The following BLM variants were observed in gnomAD, a reference collection of about 807,000 sequenced individuals.
BLM encodes BLM RecQ like helicase.
BLM carries 95 observed loss-of-function variants against 135.3 expected under a neutral mutation model. The observed-to-expected ratio is 0.70, with a 90% confidence interval of 0.59 to 0.83. The LOEUF is 0.83. Among genes scored for constraint, BLM ranks in the 40% least tolerant of loss-of-function variants. BLM has a pLI of 0.00. For missense variants in BLM, 1,518 were observed against 1,663.9 expected, an observed-to-expected ratio of 0.91 and a Z score of 1.53; for synonymous variants, 520 against 589.2, an observed-to-expected ratio of 0.88 and a Z score of 1.70.
intron 19 of BLM, among the ~76,000 whole-genome samples, chr15:90,805,549 G>A (rs1897268762): frequency 2.0e-5 from 3 of 151,640 alleles, no homozygotes; most frequent in Admixed American, 2.0e-4. Context: ...CAGCACTTTG[G>A]GAGGCCAAGG....
intron 21 of BLM, among the ~76,000 whole-genome samples, chr15:90,812,452 G>C (rs184337129): frequency 6.6e-6 from 1 of 152,294 alleles, no homozygotes; most frequent in Non-Finnish European, 1.5e-5. Context: ...TGATGATCTT[G>C]GCAGTTTCCT....
intron 2 of BLM, 144 bp from the exon 3 acceptor site, chr15:90,749,223 T>G (rs1685377912): frequency 1.6e-6 from 1 of 636,746 alleles, no homozygotes; most frequent in African/African-American, 1.8e-5. Context: ...CCTGATAAAT[T>G]TAAAATCGAG....
At chr15:90,785,393 A>G (rs539149730) in intron 14 of BLM, among the ~76,000 whole-genome samples, 57 of 152,210 alleles carry the variant, frequency 3.7e-4, no homozygotes, top group African/African-American at 1.3e-3. Flanking sequence ...GATCACCATA[A>G]AAAGAAACCT....
intron 12 of BLM, among the ~76,000 whole-genome samples, chr15:90,770,875 A>G (rs1896294154): frequency 1.3e-5 from 2 of 152,240 alleles, no homozygotes; most frequent in Admixed American, 1.3e-4. Context: ...ATAGCTACAA[A>G]AGCTTTTGCA....
chr15:90,737,073 G>T (rs530063969), intron 1 of BLM, among the ~76,000 whole-genome samples: 7 of 152,180 alleles, frequency 4.6e-5, no homozygotes, highest in African/African-American at 1.7e-4. Flanking sequence ...CACCCTGAAG[G>T]TGAGGTGGGA....
intron 17 of BLM, among the ~76,000 whole-genome samples, chr15:90,803,120 A>T (rs1203623708): frequency 6.6e-6 from 1 of 151,116 alleles, no homozygotes; most frequent in African/African-American, 2.4e-5. Flanking sequence ...CCATGATTGC[A>T]CCACTGCACT....
chr15:90,797,286 G>C (rs62025121), intron 16 of BLM, among the ~76,000 whole-genome samples: 8,518 of 151,870 alleles, frequency 0.056, 255 homozygotes, highest in Middle Eastern at 0.088. Context: ...CATGGTGGCA[G>C]GTGCCTGTAA....
At position 90,801,040 on chromosome 15, in the gene BLM, G is replaced by T. The variant is rs565923221; in HGVS notation, c.3359-2481G>T. 2.0e-5 allele frequency among the ~76,000 whole-genome samples: 3 copies of T among 151,834 alleles called. No individual in the cohort carries two copies. In the East Asian group the frequency reaches 5.8e-4, roughly 29 times the overall value. Reference sequence around the variant, plus strand: ...GTTGTGCACCTGTAATCCCAGCTACGCAGGAGGCCGAGGCAGAAGAATCAC... The same window carrying T: ...GTTGTGCACCTGTAATCCCAGCTACTCAGGAGGCCGAGGCAGAAGAATCAC... On this transcript the variant is annotated intron_variant, in intron 17 of 21. Coordinates refer to ENST00000355112, the MANE Select transcript of BLM (RefSeq NM_000057.4).
chr15:90,803,871 A>G (rs994699687), intron 18 of BLM, 151 bp downstream of exon 18: 51 of 931,248 alleles, frequency 5.5e-5, no homozygotes, highest in Non-Finnish European at 7.8e-5. Flanking sequence ...TAAATTGGAA[A>G]GAGATCTTAA....
At chr15:90,793,988 C>A in intron 15 of BLM, 179 bp from the exon 16 acceptor site, 2 of 404,968 alleles carry the variant, frequency 4.9e-6, no homozygotes, top group South Asian at 5.5e-5. Flanking sequence ...GTACTAAAAT[C>A]TTGAGGATGA....
At chr15:90,779,058 G>A (rs753411355) in intron 12 of BLM, among the ~76,000 whole-genome samples, 4 of 151,788 alleles carry the variant, frequency 2.6e-5, no homozygotes, top group Admixed American at 6.6e-5. Context: ...GCTAATTTTC[G>A]TATTTTTAGT....
chr15:90,767,655 A>G (rs781506598), intron 10 of BLM, among the ~76,000 whole-genome samples: 1 of 152,178 alleles, frequency 6.6e-6, no homozygotes, highest in African/African-American at 2.4e-5. Flanking sequence ...GATTCGTCCC[A>G]TTACTGACAA....
intron 9 of BLM, 93 bp from the exon 10 acceptor site, chr15:90,766,817 G>A: frequency 1.3e-6 from 1 of 795,472 alleles, no homozygotes; most frequent in South Asian, 1.6e-5. Flanking sequence ...GGTTTGATAT[G>A]TGACTAATAA....
At chr15:90,782,763 C>A in intron 12 of BLM, 59 bp from the exon 13 acceptor site, 1 of 1,337,280 alleles carries the variant, frequency 7.5e-7, no homozygotes, top group Non-Finnish European at 1.1e-6. Context: ...TAGTCTATAA[C>A]AATACCTAAA....
chr15:90,759,027 A>G (rs1340865924), intron 5 of BLM, among the ~76,000 whole-genome samples: 1 of 152,246 alleles, frequency 6.6e-6, no homozygotes, highest in African/African-American at 2.4e-5. Context: ...ACATGAAGTT[A>G]GTTAAAAATA....
At position 90,766,992 on chromosome 15, in the gene BLM, T is replaced by C. The variant is rs1056077835; in HGVS notation, c.2276T>C (p.Ile759Thr). ...IYLQLSKKDP[I>T]IKLLYVTPEK... Reference sequence around the variant, plus strand: ...CTCCAGTTATCAAAAAAAGACCCAATCATAAAACTTCTATATGTCACTCCA... The same window carrying C: ...CTCCAGTTATCAAAAAAAGACCCAACCATAAAACTTCTATATGTCACTCCA... Residue 759 changes from isoleucine (I) to threonine (T), a missense_variant, in exon 10 of 22, where the codon ATC (isoleucine) becomes ACC (threonine). Physicochemically the swap from Ile to Thr is moderately conservative, Grantham distance 89. Transcript: ENST00000355112. 6.3e-7 allele frequency: 1 copy of C among 1,589,360 alleles called. No homozygotes were observed. The highest frequency in any genetic ancestry group is 8.6e-7 in the Non-Finnish European group (1 of 1,158,892).
intron 12 of BLM, 81 bp downstream of exon 12, chr15:90,769,667 G>T (rs1203495825): frequency 5.3e-6 from 8 of 1,498,474 alleles, no homozygotes; most frequent in Admixed American, 3.9e-5. Context: ...CACCTGTGGC[G>T]CTTTAACGCC....
chr15:90,768,752 G>T (rs147958499), intron 10 of BLM, among the ~76,000 whole-genome samples: 1 of 152,330 alleles, frequency 6.6e-6, no homozygotes, highest in African/African-American at 2.4e-5. Context: ...TCGAGACCGA[G>T]TTTCGGTATT....
intron 8 of BLM, among the ~76,000 whole-genome samples, chr15:90,764,180 C>T (rs2518968): frequency 3.3e-5 from 5 of 149,566 alleles, no homozygotes; most frequent in African/African-American, 4.9e-5. Context: ...GGTTTCAAGA[C>T]GGCATTTTTA....
Sources: gnomAD v4.1 joint callset for allele counts (sites outside exome capture counted in the v4.1 genomes callset) on GRCh38, gnomAD v4.1.1 for gene constraint, MANE v1.5 for transcripts, NCBI Gene and HGNC (gene_info 2026-07-23, HGNC 2026-07-21) for gene names.